Variants in STARD9 observed in about 807,000 individuals in gnomAD.
The protein encoded by STARD9 is stAR-related lipid transfer protein 9.
A neutral mutation model predicts 399.8 loss-of-function variants in STARD9; 346 were observed. That is an observed-to-expected ratio of 0.87 (90% confidence interval 0.79 to 0.95). STARD9 has a LOEUF of 0.95. STARD9 is among the 40% of genes least tolerant of loss of function. STARD9 has a pLI of 0.00. For missense variants in STARD9, 5,832 were observed against 5,667.5 expected (o/e 1.03, Z -0.93); for synonymous variants, 2,203 against 2,143.5 (o/e 1.03, Z -0.77).
intron 3 of STARD9, among the ~76,000 whole-genome samples, chr15:42,597,703 T>C (rs543697765): frequency 6.6e-6 from 1 of 151,876 alleles, no homozygotes; most frequent in South Asian, 2.1e-4. Context: ...GCCCAGCTAA[T>C]TTTTGTATTT....
At chr15:42,705,265 A>G (rs539998466) in intron 26 of STARD9, among the ~76,000 whole-genome samples, 3 of 152,256 alleles carry the variant, frequency 2.0e-5, no homozygotes, top group Admixed American at 6.5e-5. Flanking sequence ...TCTTTAATGC[A>G]TCTTCTTCTC....
rs2060296716 is a variant in STARD9 at position 42,675,716 on chromosome 15, A to G, written c.1740A>G (p.Ala580=). Residue 580 remains alanine (A), a synonymous_variant, in exon 19 of 33, where the codon GCA becomes GCG. Transcript: ENST00000290607. Reference sequence around the variant, plus strand: ...AGAAGTTCCGATTCAACCACCCAGCAGAGGCTGCTGTCCTGCGGCAGCGAA... The same window carrying G: ...AGAAGTTCCGATTCAACCACCCAGCGGAGGCTGCTGTCCTGCGGCAGCGAA... ...KAQKFRFNHP[A]EAAVLRQRRQ... is the part of the protein sequence containing the mutation. The G allele has an allele frequency of 6.5e-7, 1 of 1,537,262 alleles. No homozygotes were observed. The highest frequency in any genetic ancestry group is 8.7e-7 in the Non-Finnish European group (1 of 1,146,890).
rs2058612538 is a variant in STARD9, at chr15:42,601,066, ACTCTTAACGAGTATGCTGCCTT to A, written c.234+15431_234+15452del. Among the ~76,000 whole-genome samples the A allele has an allele frequency of 2.0e-5, 3 of 150,458 alleles. No individual in the cohort carries two copies. The South Asian group carries it at 6.3e-4, about 32-fold the overall frequency. The stretch of plus-strand genomic sequence containing the variant: ...TACTTGAGATTAGGGAGTGGTGATG[ACTCTTAACGAGTATGCTGCCTT>A]CAAGCATCTGTTTAACAAAGCACAT... On this transcript the variant is annotated intron_variant, in intron 3 of 32. Coordinates refer to ENST00000290607, the MANE Select transcript of STARD9 (RefSeq NM_020759.3).
chr15:42,578,106 A>ATTTTTTTTTTTTTTTTTT (rs57016102), intron 1 of STARD9, among the ~76,000 whole-genome samples: 1 of 134,126 alleles, frequency 7.5e-6, no homozygotes, highest in Non-Finnish European at 1.7e-5. Context: ...TTGACGCTCA[A>ATTTTTTTTTTTTTTTTTT]TTTTTTTTTT....
At chr15:42,678,216 A>G (rs2060352396) in intron 20 of STARD9, among the ~76,000 whole-genome samples, 1 of 152,210 alleles carries the variant, frequency 6.6e-6, no homozygotes, top group Admixed American at 6.5e-5. Flanking sequence ...CGACTAGAGA[A>G]AAATATAAAT....
chr15:42,603,325 C>G (rs993352905), intron 3 of STARD9, among the ~76,000 whole-genome samples: 2 of 152,096 alleles, frequency 1.3e-5, no homozygotes, highest in African/African-American at 4.8e-5. Context: ...TTTCCCCATG[C>G]AAGCCCAGCT....
chr15:42,659,454 ACTGCT>A (rs2059949279), intron 9 of STARD9, among the ~76,000 whole-genome samples: 1 of 152,112 alleles, frequency 6.6e-6, no homozygotes. Context: ...GTTTTCATAC[ACTGCT>A]CTGCTGGTGG....
chr15:42,674,531 G>C, intron 17 of STARD9, 40 bp downstream of exon 17: 1 of 1,515,854 alleles, frequency 6.6e-7, no homozygotes, highest in Non-Finnish European at 8.9e-7. Flanking sequence ...TTTGGGGCTA[G>C]TATTTGTGCC....
intron 7 of STARD9, among the ~76,000 whole-genome samples, chr15:42,649,927 C>T (rs1442151685): frequency 2.9e-5 from 4 of 136,060 alleles, no homozygotes; most frequent in South Asian, 2.4e-4. Context: ...AGTGCAATGG[C>T]GCGATCTCGA....
In STARD9 at chr15:42,718,096, G is replaced by A. The variant is rs775364637; in HGVS notation, c.13679G>A (p.Ser4560Asn). The change falls in exon 30 of 33, where the codon AGT (serine) becomes AAT (asparagine). Residue 4560 changes from serine (S) to asparagine (N), a missense_variant. Physicochemically the swap from Ser to Asn is conservative, Grantham distance 46. This residue lies in a region of STARD9 where 5,828 missense variants were observed against 5,651.1 expected (regional missense o/e 1.03). Coordinates refer to ENST00000290607, the MANE Select transcript of STARD9 (RefSeq NM_020759.3). The stretch of plus-strand genomic sequence containing the variant: ...CTGTCTCGTGTGTGGGCGGCTGTCA[G>A]TGACCCCACTGTGTGGCCCCTGTAT... The part of the protein sequence containing the change: ...QPLSRVWAAV[S>N]DPTVWPLYYK... 1.7e-4 allele frequency: 258 copies of A among 1,537,270 alleles called. No individual in the cohort carries two copies. The highest frequency in any genetic ancestry group is 2.2e-4 in the Non-Finnish European group (249 of 1,146,914).
intron 3 of STARD9, among the ~76,000 whole-genome samples, chr15:42,612,805 GA>G (rs1173055646): frequency 6.6e-6 from 1 of 152,070 alleles, no homozygotes; most frequent in African/African-American, 2.4e-5. Context: ...CCAACGTGGT[GA>G]AACCCCGTCT....
Position 42,688,621 on chromosome 15 carries a change from A to G in STARD9, c.7043A>G (p.His2348Arg), listed in dbSNP as rs774612825. 5.2e-6 allele frequency: 8 copies of G among 1,537,582 alleles called. No individual in the cohort carries two copies. Among genetic ancestry groups the G allele is most frequent in the African/African-American group, 2.7e-5 (2 of 73,154 alleles). ...NSPRWPRRCL[H>R]VPVALGISSL... ...CCAAGGTGGCCAAGAAGGTGTCTTCATGTACCTGTTGCTCTAGGCATCTCT... is the reference window on the plus strand; with the variant it reads ...CCAAGGTGGCCAAGAAGGTGTCTTCGTGTACCTGTTGCTCTAGGCATCTCT... The change falls in exon 23 of 33, where the codon CAT (histidine) becomes CGT (arginine). Residue 2348 changes from histidine (H) to arginine (R), a missense_variant. By Grantham distance (29) the His-to-Arg change is conservative. Transcript: ENST00000290607.
intron 3 of STARD9, among the ~76,000 whole-genome samples, chr15:42,626,267 TTCCTCC>T (rs1290432717): frequency 2.1e-5 from 3 of 144,136 alleles, no homozygotes; most frequent in Non-Finnish European, 3.0e-5. Context: ...CCTCTTCCTC[TTCCTCC>T]TCCTCTTCCT....
Position 42,686,626 on chromosome 15 carries a change from CA to C in STARD9, c.5049del (p.Gln1685AsnfsTer2). On this transcript the variant is annotated frameshift_variant, in exon 23 of 33. Transcript: ENST00000290607. LOFTEE classifies it high-confidence loss of function. ...APLRKNSAVQPGQLSPDSHYP... is the reference protein window; with the variant it reads ...APLRKNSAVQXGQLSPDSHYP... ...CTCAGGAAAAATAGTGCAGTCCAGC[CA>C]GGGCAATTAAGTCCCGACAGCCACT... 6.5e-7 allele frequency: 1 copy of C among 1,537,282 alleles called. No homozygotes were observed. Among genetic ancestry groups the C allele is most frequent in the Non-Finnish European group, 8.7e-7 (1 of 1,146,950 alleles).
chr15:42,649,745 G>A (rs190028056), intron 7 of STARD9, among the ~76,000 whole-genome samples: 141 of 151,624 alleles, frequency 9.3e-4, no homozygotes, highest in African/African-American at 3.3e-3. Flanking sequence ...ATTTTTAGTC[G>A]AGGTGGGGTT....
intron 3 of STARD9, among the ~76,000 whole-genome samples, chr15:42,597,998 ATATG>A (rs71108171): frequency 0.015 from 1,724 of 112,732 alleles, 10 homozygotes; most frequent in African/African-American, 0.021. Flanking sequence ...TTGTATATAT[ATATG>A]TGTGTGTGTG....
intron 9 of STARD9, among the ~76,000 whole-genome samples, chr15:42,654,604 T>G (rs1428873283): frequency 6.6e-6 from 1 of 152,044 alleles, no homozygotes; most frequent in Non-Finnish European, 1.5e-5. Context: ...AAAATTAATG[T>G]ACATGAATCA....
chr15:42,718,517 GC>G lies in STARD9; in HGVS notation c.13842+5del, dbSNP rs1215810469. ...GTGTCTGCGTGGAAGCCAAAGAGGT[GC>G]CTGCCTTGGTGGTAAAGATGTTGTG... On this transcript the variant is annotated splice_donor_region_variant and intron_variant, in intron 31 of 32. Coordinates refer to ENST00000290607, the MANE Select transcript of STARD9 (RefSeq NM_020759.3). 1.3e-6 allele frequency: 2 copies of G among 1,536,814 alleles called. No homozygotes were observed. Among genetic ancestry groups the G allele is most frequent in the African/African-American group, 1.4e-5 (1 of 73,022 alleles).
chr15:42,622,006 C>A (rs1208245883), intron 3 of STARD9, among the ~76,000 whole-genome samples: 1 of 152,160 alleles, frequency 6.6e-6, no homozygotes, highest in Non-Finnish European at 1.5e-5. Context: ...CCTATGAATT[C>A]TCACTGATTC....
Sources: gnomAD v4.1 joint callset for allele counts (sites outside exome capture counted in the v4.1 genomes callset) on GRCh38, gnomAD v4.1.1 for gene constraint, gnomAD v4.1.1 regional missense constraint, MANE v1.5 for transcripts, NCBI Gene and HGNC (gene_info 2026-07-23, HGNC 2026-07-21) for gene names.